FER1L6: variants seen among roughly 807,000 people sequenced by gnomAD.
The protein encoded by FER1L6 is fer-1 like family member 6, also known as fer-1-like protein 6.
Under a neutral mutation model 219.2 loss-of-function variants are expected in FER1L6, and 177 were observed. That is an observed-to-expected ratio of 0.81 (90% CI 0.71 to 0.91). FER1L6 has a LOEUF of 0.91. FER1L6 is among the 40% of genes least tolerant of loss of function. The pLI, the probability that FER1L6 is intolerant of heterozygous loss-of-function variation, is 0.00. For synonymous variants in FER1L6, 768 were observed against 824.3 expected (o/e 0.93, Z 1.17); for missense variants, 2,153 against 2,259.9 (o/e 0.95, Z 0.96).
rs373487752 is a variant in FER1L6 at position 124,004,764 on chromosome 8, C to T, written c.1700+1417C>T. The stretch of plus-strand genomic sequence containing the variant: ...GTGTAATCCCAGCACTTTGGGAGGC[C>T]GAGGCGGGTGGATCGCGAGGTCAGG... On this transcript the variant is annotated intron_variant, in intron 13 of 40. Coordinates refer to ENST00000522917, the MANE Select transcript of FER1L6 (RefSeq NM_001039112.2). Among the ~76,000 whole-genome samples the T allele has an allele frequency of 9.9e-5, 15 of 152,068 alleles. No individual in the cohort carries two copies. In the East Asian group the frequency reaches 1.7e-3, roughly 18 times the overall value.
Position 124,096,671 on chromosome 8 carries a change from C to T in FER1L6, c.4696-600C>T, listed in dbSNP as rs116168026. Among the ~76,000 whole-genome samples, 143 of 152,268 alleles carry T rather than the reference C, an allele frequency of 9.4e-4. 1 individual carries two copies. The highest frequency in any genetic ancestry group is 3.4e-3 in the African/African-American group (142 of 41,542). On this transcript the variant is annotated intron_variant, in intron 35 of 40. Coordinates refer to ENST00000522917, the MANE Select transcript of FER1L6 (RefSeq NM_001039112.2). The stretch of plus-strand genomic sequence containing the variant: ...TGTTAGCCACAGAACTTCAGATACA[C>T]TTTGTTGACTTATCTGAGCTTAGTT...
intron 28 of FER1L6, 61 bp downstream of exon 28, chr8:124,067,867 T>C: frequency 7.0e-7 from 1 of 1,423,900 alleles, no homozygotes; most frequent in Non-Finnish European, 9.9e-7. Context: ...GAGAAAATTG[T>C]AAAATGGAAG....
chr8:123,939,717 T>A (rs1814155153), intron 1 of FER1L6, among the ~76,000 whole-genome samples: 1 of 152,146 alleles, frequency 6.6e-6, no homozygotes, highest in Non-Finnish European at 1.5e-5. Context: ...TGTGATGCAG[T>A]GACCGGCAGG....
chr8:123,926,098 A>C (rs1563688875), intron 1 of FER1L6, among the ~76,000 whole-genome samples: 1 of 152,202 alleles, frequency 6.6e-6, no homozygotes, highest in Non-Finnish European at 1.5e-5. Flanking sequence ...AAAAAAATGC[A>C]GTGTAAATTA....
intron 1 of FER1L6, among the ~76,000 whole-genome samples, chr8:123,905,059 T>C (rs550687722): frequency 6.6e-6 from 1 of 152,320 alleles, no homozygotes; most frequent in East Asian, 1.9e-4. Context: ...AGCTAGGATC[T>C]AGGAAACTAA....
intron 24 of FER1L6, among the ~76,000 whole-genome samples, chr8:124,061,536 T>C (rs907849883): frequency 3.3e-5 from 5 of 152,132 alleles, no homozygotes; most frequent in African/African-American, 1.2e-4. Context: ...GGATAAGCTG[T>C]CTTTGGAGAT....
At chr8:124,009,348 G>A (rs752326702) in intron 13 of FER1L6, among the ~76,000 whole-genome samples, 2 of 152,158 alleles carry the variant, frequency 1.3e-5, no homozygotes, top group Admixed American at 6.5e-5. Flanking sequence ...CATTTCATAA[G>A]AAGGGATTGT....
At chr8:123,958,966 G>A (rs772778392) in intron 2 of FER1L6, among the ~76,000 whole-genome samples, 86 of 151,964 alleles carry the variant, frequency 5.7e-4, no homozygotes, top group Non-Finnish European at 1.1e-3. Context: ...AGAGGGCCAC[G>A]CAGGCAGTAA....
Position 124,017,685 on chromosome 8 carries a change from T to C in FER1L6, c.1980T>C (p.Asp660=). 6.2e-7 allele frequency: 1 copy of C among 1,613,864 alleles called. No individual in the cohort carries two copies. The highest frequency in any genetic ancestry group is 8.5e-7 in the Non-Finnish European group (1 of 1,179,782). ...AGATGTTGAACCAAACCACTTTAGA[T>C]AAGAAGCGACTTACGCTCTGCTGGC... The part of the protein sequence containing the change: ...KPKMLNQTTL[D]KKRLTLCWQE... The change falls in exon 16 of 41, where the codon GAT becomes GAC. Residue 660 remains aspartate (D), a synonymous_variant. Transcript: ENST00000522917.
chr8:124,093,668 A>AAATC (rs1423537487), intron 34 of FER1L6, among the ~76,000 whole-genome samples: 1 of 149,834 alleles, frequency 6.7e-6, no homozygotes, highest in African/African-American at 2.5e-5. Flanking sequence ...TAGAAGTCTG[A>AAATC]AATCATGTTC....
chr8:124,068,598 T>C (rs1396345203), intron 28 of FER1L6, among the ~76,000 whole-genome samples: 1 of 152,236 alleles, frequency 6.6e-6, no homozygotes, highest in Non-Finnish European at 1.5e-5. Flanking sequence ...GAACTAGATG[T>C]ATCTCAATTC....
intron 5 of FER1L6, among the ~76,000 whole-genome samples, chr8:123,966,828 TC>T (rs914593190): frequency 6.6e-6 from 1 of 152,194 alleles, no homozygotes; most frequent in African/African-American, 2.4e-5. Context: ...ACGCCTGTAA[TC>T]CCAGCACTTT....
intron 1 of FER1L6, among the ~76,000 whole-genome samples, chr8:123,864,087 A>C (rs1816789475): frequency 6.8e-6 from 1 of 147,538 alleles, no homozygotes; most frequent in Non-Finnish European, 1.5e-5. Context: ...GATGGTCTTT[A>C]CATTTTGGCA....
Position 124,116,757 on chromosome 8 carries a change from G to A in FER1L6, c.5290-2087G>A, listed in dbSNP as rs540529191. Among the ~76,000 whole-genome samples, 434 of 152,360 alleles carry A rather than the reference G, an allele frequency of 2.8e-3. 3 individuals carry two copies. Among genetic ancestry groups the A allele is most frequent in the African/African-American group, 0.01 (418 of 41,598 alleles). ...TTAGAAGAACTGGATGAAGTTCTTA[G>A]TGTATAACATACTGCTCAGCAGAGC... On this transcript the variant is annotated intron_variant, in intron 39 of 40. Coordinates refer to ENST00000522917, the MANE Select transcript of FER1L6 (RefSeq NM_001039112.2).
At chr8:124,115,550 T>C (rs1021727220) in intron 39 of FER1L6, among the ~76,000 whole-genome samples, 10 of 152,174 alleles carry the variant, frequency 6.6e-5, no homozygotes, top group South Asian at 2.1e-4. Flanking sequence ...GATTTTCCTA[T>C]AGGAATCTGG....
intron 1 of FER1L6, among the ~76,000 whole-genome samples, chr8:123,888,829 C>T (rs570994554): frequency 6.6e-6 from 1 of 152,260 alleles, no homozygotes; most frequent in Non-Finnish European, 1.5e-5. Flanking sequence ...TGTCTAGATG[C>T]ATTTATGTGT....
intron 25 of FER1L6, among the ~76,000 whole-genome samples, chr8:124,062,691 C>T (rs1404775151): frequency 1.3e-5 from 2 of 152,196 alleles, no homozygotes; most frequent in African/African-American, 2.4e-5. Context: ...ACTACCTCAA[C>T]TCCCCTTTCC....
chr8:124,015,088 C>T (rs1459344317), intron 15 of FER1L6, among the ~76,000 whole-genome samples: 1 of 152,194 alleles, frequency 6.6e-6, no homozygotes, highest in Non-Finnish European at 1.5e-5. Context: ...CCTCTCATGA[C>T]AGAGCAGCTG....
intron 7 of FER1L6, among the ~76,000 whole-genome samples, chr8:123,974,815 C>A (rs1167486214): frequency 6.6e-6 from 1 of 151,964 alleles, no homozygotes; most frequent in Non-Finnish European, 1.5e-5. Context: ...AGGTTTATGT[C>A]CTGTGGGTAA....
Sources: allele counts gnomAD v4.1 joint callset (sites outside exome capture counted in the v4.1 genomes callset), GRCh38; gene constraint gnomAD v4.1.1; transcripts MANE v1.5; gene names NCBI Gene and HGNC (gene_info 2026-07-23, HGNC 2026-07-21).